Variants in KMT2E observed in about 807,000 individuals in gnomAD.
KMT2E encodes lysine methyltransferase 2E (inactive).
Under a neutral mutation model 184.6 loss-of-function variants are expected in KMT2E, and 30 were observed. That is an observed-to-expected ratio of 0.16 (90% CI 0.12 to 0.22). The LOEUF (loss-of-function observed/expected upper bound fraction) is 0.22, where lower values mean the gene tolerates loss of function less well. Among genes scored for constraint, KMT2E ranks in the 10% least tolerant of loss-of-function variants. The pLI is 1.00. For missense variants in KMT2E, 2,023 were observed against 2,237.4 expected, an observed-to-expected ratio of 0.90 and a Z score of 1.93; for synonymous variants, 815 against 776.5, an observed-to-expected ratio of 1.05 and a Z score of -0.82.
intron 1 of KMT2E, among the ~76,000 whole-genome samples, chr7:105,017,355 T>G (rs1794756909): frequency 6.6e-6 from 1 of 152,128 alleles, no homozygotes; most frequent in South Asian, 2.1e-4. Context: ...TTACTAGCTT[T>G]CTTCATATTG....
intron 2 of KMT2E, chr7:105,039,277 C>T (rs530905357): frequency 1.2e-4 from 19 of 152,122 alleles, no homozygotes; most frequent in Admixed American, 1.2e-3. Context: ...GTGGTGTGTA[C>T]TGAGGATGGC....
intron 16 of KMT2E, 131 bp from the exon 17 acceptor site, chr7:105,101,755 C>A: frequency 1.0e-6 from 1 of 970,236 alleles, no homozygotes; most frequent in Non-Finnish European, 1.5e-6. Context: ...TATATATTAT[C>A]TCTGTTCTTT....
At chr7:105,058,622 T>C (rs1316339702) in intron 3 of KMT2E, among the ~76,000 whole-genome samples, 2 of 152,232 alleles carry the variant, frequency 1.3e-5, no homozygotes, top group Non-Finnish European at 2.9e-5. Flanking sequence ...CTTTTATGCA[T>C]TTCAGTTGTT....
At chr7:105,094,628 G>A (rs763263218) in intron 15 of KMT2E, among the ~76,000 whole-genome samples, 2 of 152,110 alleles carry the variant, frequency 1.3e-5, no homozygotes, top group Non-Finnish European at 2.9e-5. Context: ...ATTGGAATAC[G>A]ACGAGTCAGT....
Position 105,076,606 on chromosome 7 carries a change from C to T in KMT2E, c.769-357C>T, listed in dbSNP as rs150298466. 6.8e-3 allele frequency among the ~76,000 whole-genome samples: 1,031 copies of T among 152,222 alleles called. 7 individuals carry two copies. The highest frequency in any genetic ancestry group is 0.011 in the Non-Finnish European group (715 of 68,008). ...TAGATGCTAAAATTGCTGAGAGAAG[C>T]GAGGCTCCTCGCCTCTGTCTGACCC... On this transcript the variant is annotated intron_variant, in intron 9 of 26. Coordinates refer to ENST00000311117, the MANE Select transcript of KMT2E (RefSeq NM_182931.3).
At chr7:105,070,632 CAAAAAA>C (rs57911728) in intron 6 of KMT2E, among the ~76,000 whole-genome samples, 4 of 59,532 alleles carry the variant, frequency 6.7e-5, no homozygotes, top group Non-Finnish European at 1.2e-4. Flanking sequence ...GACTGTGTCT[CAAAAAA>C]AAAAAAAAAA....
Position 105,112,635 on chromosome 7 carries a change from C to T in KMT2E, c.4879C>T (p.Pro1627Ser). ...IHHQTAAAVV[P>S]PPPPPPPAPG... is the part of the protein sequence containing the mutation. Reference sequence around the variant, plus strand: ...CCATCAAACTGCTGCTGCCGTAGTCCCCCCTCCTCCTCCACCACCACCTGC... The same window carrying T: ...CCATCAAACTGCTGCTGCCGTAGTCTCCCCTCCTCCTCCACCACCACCTGC... Residue 1627 changes from proline to serine, a missense_variant, in exon 27 of 27, where the codon CCC becomes TCC. Pro to Ser is a moderately conservative substitution (Grantham distance 74). Coordinates refer to ENST00000311117, the MANE Select transcript of KMT2E (RefSeq NM_182931.3). 3 of 1,613,834 alleles carry T rather than the reference C, an allele frequency of 1.9e-6. No individual in the cohort carries two copies. The highest frequency in any genetic ancestry group is 8.5e-7 in the Non-Finnish European group (1 of 1,179,956).
chr7:105,107,245 G>T, intron 21 of KMT2E, 23 bp downstream of exon 21: 1 of 1,529,892 alleles, frequency 6.5e-7, no homozygotes, highest in South Asian at 1.2e-5. Context: ...CTTAAAAAGG[G>T]TGAATTGGTA....
At position 105,090,075 on chromosome 7, in the gene KMT2E, T is replaced by C. The variant is rs760119568; in HGVS notation, c.1425T>C (p.Ser475=). ...NPECPVLKRS[S]ESMENINSGY... ...AGTGCCCTGTTCTAAAACGTAGTTCTGAATCCATGGAAAATATCAATAGTG... is the reference window on the plus strand; with the variant it reads ...AGTGCCCTGTTCTAAAACGTAGTTCCGAATCCATGGAAAATATCAATAGTG... Residue 475 remains serine, a synonymous_variant, in exon 14 of 27, where the codon TCT becomes TCC. Coordinates refer to ENST00000311117, the MANE Select transcript of KMT2E (RefSeq NM_182931.3). The C allele has an allele frequency of 1.9e-6, 3 of 1,613,666 alleles. No homozygotes were observed. The highest frequency in any genetic ancestry group is 2.5e-6 in the Non-Finnish European group (3 of 1,179,920).
chr7:105,101,381 G>A (rs747300312), intron 15 of KMT2E, 44 bp from the exon 16 acceptor site: 3 of 1,326,364 alleles, frequency 2.3e-6, no homozygotes, highest in South Asian at 3.2e-5. Context: ...TTTTACTTTT[G>A]AGCATTGATA....
chr7:105,055,032 T>C (rs755976455), intron 3 of KMT2E, among the ~76,000 whole-genome samples: 4 of 152,150 alleles, frequency 2.6e-5, no homozygotes, highest in Non-Finnish European at 5.9e-5. Context: ...CCTTCTCTGA[T>C]CAGTTTCAGG....
In KMT2E at chr7:105,107,384, T is replaced by C. The variant is rs762576196; in HGVS notation, c.2927T>C (p.Met976Thr). ...SQEGYDRSST[M>T]LTLGPFRNSN... is the part of the protein sequence containing the mutation. ...CAGGGATATGACAGATCTTCAACCATGTTAACATTGGGGCCTTTTAGAAAT... is the reference window on the plus strand; with the variant it reads ...CAGGGATATGACAGATCTTCAACCACGTTAACATTGGGGCCTTTTAGAAAT... The change falls in exon 22 of 27, where the codon ATG becomes ACG. Residue 976 changes from methionine (M) to threonine (T), a missense_variant. Coordinates refer to ENST00000311117, the MANE Select transcript of KMT2E (RefSeq NM_182931.3). 4 of 1,596,882 alleles carry C rather than the reference T, an allele frequency of 2.5e-6. No homozygotes were observed. Among genetic ancestry groups the C allele is most frequent in the Non-Finnish European group, 2.6e-6 (3 of 1,173,352 alleles).
At chr7:105,034,123 T>C (rs1313022869) in intron 1 of KMT2E, among the ~76,000 whole-genome samples, 1 of 152,136 alleles carries the variant, frequency 6.6e-6, no homozygotes, top group Non-Finnish European at 1.5e-5. Context: ...GAAATTAAGG[T>C]TTCAACATGA....
intron 1 of KMT2E, among the ~76,000 whole-genome samples, chr7:105,029,560 T>C (rs1795317110): frequency 6.6e-6 from 1 of 152,110 alleles, no homozygotes; most frequent in South Asian, 2.1e-4. Context: ...GTGATGAAGA[T>C]GATGGTAGGG....
intron 1 of KMT2E, among the ~76,000 whole-genome samples, chr7:105,017,044 C>T (rs1584678922): frequency 6.6e-6 from 1 of 152,140 alleles, no homozygotes; most frequent in African/African-American, 2.4e-5. Context: ...GTATTTTGAT[C>T]TGAGCAAGTA....
At chr7:105,073,807 CAG>C (rs1369266950) in intron 7 of KMT2E, 130 bp downstream of exon 7, 52 of 596,494 alleles carry the variant, frequency 8.7e-5, no homozygotes, top group Admixed American at 4.2e-4. Flanking sequence ...GTTGATTGTA[CAG>C]AGAGTATGCA....
At chr7:105,032,305 A>C (rs1393209940) in intron 1 of KMT2E, among the ~76,000 whole-genome samples, 1 of 151,972 alleles carries the variant, frequency 6.6e-6, no homozygotes, top group Non-Finnish European at 1.5e-5. Flanking sequence ...TTAGCTGGGC[A>C]TGGTGGCAGA....
In KMT2E at chr7:105,077,313, A is replaced by G. The variant is rs774354917; in HGVS notation, c.1010A>G (p.Gln337Arg). 5 of 1,609,766 alleles carry G rather than the reference A, an allele frequency of 3.1e-6. No individual in the cohort carries two copies. The highest frequency in any genetic ancestry group is 3.4e-6 in the Non-Finnish European group (4 of 1,177,286). The change falls in exon 11 of 27, where the codon CAA becomes CGA. Residue 337 changes from glutamine to arginine, a missense_variant. By Grantham distance (43) the Gln-to-Arg change is conservative. This residue lies in a region of KMT2E where 191 missense variants were observed against 209.0 expected (regional missense o/e 0.91). Coordinates refer to ENST00000311117, the MANE Select transcript of KMT2E (RefSeq NM_182931.3). ...TTACTCTGATTTTAGAGCCATATAC[A>G]AAAGAATAAGAAAATTCTTAAATCT... The part of the protein sequence containing the change: ...LFKPPVESHI[Q>R]KNKKILKSAK...
Position 105,105,839 on chromosome 7 carries a change from A to T in KMT2E, c.2452-20A>T. On this transcript the variant is annotated intron_variant, in intron 18 of 26. Transcript: ENST00000311117. Reference sequence around the variant, plus strand: ...GCTACAAAGTGATTCCTGTTCATTCATGTATTCTGTTTTATTCAGCGATGG... The same window carrying T: ...GCTACAAAGTGATTCCTGTTCATTCTTGTATTCTGTTTTATTCAGCGATGG... 6.2e-7 allele frequency: 1 copy of T among 1,602,302 alleles called. No individual in the cohort carries two copies. Among genetic ancestry groups the T allele is most frequent in the Non-Finnish European group, 8.5e-7 (1 of 1,175,706 alleles).
Sources: allele counts gnomAD v4.1 joint callset (sites outside exome capture counted in the v4.1 genomes callset), GRCh38; gene constraint gnomAD v4.1.1; regional missense constraint gnomAD v4.1.1; transcripts MANE v1.5; gene names NCBI Gene and HGNC (gene_info 2026-07-23, HGNC 2026-07-21).